MAP4K4: variants seen among roughly 807,000 people sequenced by gnomAD.
The protein encoded by MAP4K4 is HPK/GCK-like kinase HGK.
Under a neutral mutation model 189.6 loss-of-function variants are expected in MAP4K4, and 38 were observed. The ratio of observed to expected loss-of-function variants is 0.20; its 90% confidence interval spans 0.15 to 0.26. The LOEUF (loss-of-function observed/expected upper bound fraction) is 0.26. Ranked by LOEUF, MAP4K4 falls within the 10% of genes least tolerant of loss-of-function variation. The pLI is 1.00. For missense variants in MAP4K4, 1,054 were observed against 1,726.9 expected (o/e 0.61, Z 6.91); for synonymous variants, 610 against 624.3 (o/e 0.98, Z 0.34).
intron 25 of MAP4K4, 106 bp downstream of exon 25, chr2:101,873,870 G>A (rs901316789): frequency 1.2e-5 from 10 of 865,532 alleles, no homozygotes; most frequent in Non-Finnish European, 1.8e-5. Context: ...CACAGACCTC[G>A]GGTACAGAAA....
rs910917378 is a variant in MAP4K4 at position 101,833,937 on chromosome 2, G to A, written c.640-472G>A. On this transcript the variant is annotated intron_variant, in intron 7 of 32. Coordinates refer to ENST00000324219, the Ensembl canonical transcript of MAP4K4. ...CAGTGGTGAACACTTTGTAAAAAATGGTTTCTGGCCTTTAAACTTTAAAAT... is the reference window on the plus strand; with the variant it reads ...CAGTGGTGAACACTTTGTAAAAAATAGTTTCTGGCCTTTAAACTTTAAAAT... Among the ~76,000 whole-genome samples, 4 of 152,240 alleles carry A rather than the reference G, an allele frequency of 2.6e-5. No homozygotes were observed. In the South Asian group the frequency reaches 8.3e-4, roughly 32 times the overall value.
At position 101,859,223 on chromosome 2, in the gene MAP4K4, TC is replaced by T. The variant is rs149179818; in HGVS notation, c.1482+143del. ...TGAAATAGTGATGCCCATTTTGTGG[TC>T]CTATTGCTAGCACATTGCAACATGG... On this transcript the variant is annotated intron_variant, in intron 14 of 32. Transcript: ENST00000324219. The T allele has an allele frequency of 4.5e-3, 2,889 of 643,410 alleles. 72 individuals carry two copies. Among genetic ancestry groups the T allele is most frequent in the African/African-American group, 0.045 (2,462 of 54,914 alleles). The allele number at this position is 643,410 out of a possible 1,614,324, so 39.9% of individuals were successfully genotyped here.
intron 2 of MAP4K4, among the ~76,000 whole-genome samples, chr2:101,732,712 C>T (rs574281093): frequency 6.6e-6 from 1 of 152,318 alleles, no homozygotes; most frequent in Admixed American, 6.5e-5. Context: ...CCTCAGCCTC[C>T]TGAGTAGCTG....
At chr2:101,870,191 G>A (rs545292225) in intron 22 of MAP4K4, 104 bp from the exon 23 acceptor site, 1 of 1,181,172 alleles carries the variant, frequency 8.5e-7, no homozygotes, top group South Asian at 1.5e-5. Context: ...CTTTATATCG[G>A]TAGCCTCATC....
chr2:101,718,680 G>C (rs1230957005), intron 2 of MAP4K4, among the ~76,000 whole-genome samples: 2 of 151,932 alleles, frequency 1.3e-5, no homozygotes, highest in Non-Finnish European at 2.9e-5. Flanking sequence ...AGGAGCAGAA[G>C]TTGCCAGTCC....
intron 20 of MAP4K4, 77 bp downstream of exon 20, chr2:101,867,386 G>A: frequency 1.8e-6 from 2 of 1,110,518 alleles, no homozygotes; most frequent in South Asian, 1.4e-5. Flanking sequence ...GTGGTTGAGA[G>A]GCCTGCAGTC....
chr2:101,819,703 C>G (rs1420186319), intron 3 of MAP4K4, among the ~76,000 whole-genome samples: 4 of 152,184 alleles, frequency 2.6e-5, no homozygotes, highest in African/African-American at 9.7e-5. Flanking sequence ...GATGTGATCA[C>G]TGTATTTCTG....
chr2:101,698,190 G>A (rs2035496997), intron 1 of MAP4K4, 53 bp downstream of exon 1: 3 of 896,550 alleles, frequency 3.3e-6, no homozygotes, highest in Non-Finnish European at 4.1e-6. Context: ...GCAGCCGGCA[G>A]CCGGGGCCGC....
At chr2:101,743,057 G>A (rs936622784) in intron 2 of MAP4K4, among the ~76,000 whole-genome samples, 4 of 152,078 alleles carry the variant, frequency 2.6e-5, no homozygotes, top group Admixed American at 6.6e-5. Context: ...CAAGTTTTCT[G>A]CTTGGGAAGA....
chr2:101,828,511 T>C (rs181681134), intron 5 of MAP4K4, among the ~76,000 whole-genome samples: 8 of 152,342 alleles, frequency 5.3e-5, no homozygotes, highest in Admixed American at 2.0e-4. Flanking sequence ...CTCTGCTCTG[T>C]TTCATAGACA....
chr2:101,864,854 A>G, intron 17 of MAP4K4, 76 bp from the exon 18 acceptor site: 2 of 971,724 alleles, frequency 2.1e-6, no homozygotes, highest in Non-Finnish European at 3.1e-6. Flanking sequence ...TGCTTTAAAA[A>G]TATATTTTGG....
chr2:101,823,791 TA>T (rs2096216580), intron 3 of MAP4K4, 136 bp from the exon 4 acceptor site: 2 of 663,156 alleles, frequency 3.0e-6, no homozygotes, highest in African/African-American at 3.7e-5. Context: ...GGCACAAGGA[TA>T]AAGTGAATGT....
At chr2:101,861,207 G>GT (rs1397990917) in intron 16 of MAP4K4, 1 of 392,320 alleles carries the variant, frequency 2.5e-6, no homozygotes, top group African/African-American at 2.1e-5. Flanking sequence ...AGTATCTAGA[G>GT]TGAGTGATTT....
At chr2:101,870,205 T>C (rs2097944794) in intron 22 of MAP4K4, 90 bp from the exon 23 acceptor site, 2 of 1,349,660 alleles carry the variant, frequency 1.5e-6, no homozygotes, top group South Asian at 1.4e-5. Flanking sequence ...CCTCATCTCA[T>C]GTTTTGATTT....
chr2:101,746,476 A>G (rs1049813712), intron 2 of MAP4K4, among the ~76,000 whole-genome samples: 18 of 152,054 alleles, frequency 1.2e-4, no homozygotes, highest in African/African-American at 3.6e-4. Flanking sequence ...GGTAATACAT[A>G]TTATATTCAG....
At chr2:101,879,788 T>G (rs538334249) in intron 27 of MAP4K4, among the ~76,000 whole-genome samples, 4 of 152,118 alleles carry the variant, frequency 2.6e-5, no homozygotes, top group Admixed American at 2.6e-4. Context: ...TGAACTGATT[T>G]TATATAATGG....
At chr2:101,852,983 T>C (rs2097334286) in intron 12 of MAP4K4, among the ~76,000 whole-genome samples, 1 of 152,240 alleles carries the variant, frequency 6.6e-6, no homozygotes, top group Admixed American at 6.5e-5. Flanking sequence ...TTACAAATGC[T>C]GTATCTTTTT....
chr2:101,753,017 A>G (rs1185154927), intron 2 of MAP4K4, among the ~76,000 whole-genome samples: 2 of 152,230 alleles, frequency 1.3e-5, no homozygotes. Context: ...GATGACAGTA[A>G]CAATAGCCAG....
intron 3 of MAP4K4, among the ~76,000 whole-genome samples, chr2:101,807,266 C>T (rs1206441323): frequency 2.0e-5 from 3 of 151,858 alleles, no homozygotes; most frequent in Non-Finnish European, 2.9e-5. Flanking sequence ...CTATATTGCC[C>T]AGGCTAGTCT....
Sources: allele counts gnomAD v4.1 joint callset (sites outside exome capture counted in the v4.1 genomes callset), GRCh38; gene constraint gnomAD v4.1.1; transcripts MANE v1.5; gene names NCBI Gene and HGNC (gene_info 2026-07-23, HGNC 2026-07-21).